Variants in CHRM5 observed in about 807,000 individuals in gnomAD.
CHRM5 encodes the protein muscarinic acetylcholine receptor M5.
A neutral mutation model predicts 39.0 loss-of-function variants in CHRM5; 18 were observed. The ratio of observed to expected loss-of-function variants is 0.46; its 90% CI spans 0.32 to 0.68. CHRM5 has a LOEUF of 0.68. Among genes scored for constraint, CHRM5 ranks in the 30% least tolerant of loss-of-function variants. The pLI is 0.04. For missense variants in CHRM5, 515 were observed against 651.1 expected, an observed-to-expected ratio of 0.79 and a Z score of 2.28; for synonymous variants, 241 against 246.3, an observed-to-expected ratio of 0.98 and a Z score of 0.20.
chr15:33,978,931 G>C (rs1169329119), intron 1 of CHRM5, among the ~76,000 whole-genome samples: 1 of 43,034 alleles, frequency 2.3e-5, no homozygotes, highest in African/African-American at 2.8e-5. Flanking sequence ...GTCCATGCCA[G>C]GCAAAAGTAA....
At chr15:33,986,781 C>G (rs12913387) in intron 1 of CHRM5, among the ~76,000 whole-genome samples, 1 of 151,486 alleles carries the variant, frequency 6.6e-6, no homozygotes, top group Non-Finnish European at 1.5e-5. Context: ...GTCAGCCGCC[C>G]GAGTAGCTGG....
chr15:33,985,620 A>G (rs551779418), intron 1 of CHRM5, among the ~76,000 whole-genome samples: 1 of 151,920 alleles, frequency 6.6e-6, no homozygotes, highest in South Asian at 2.1e-4. Flanking sequence ...TCTCCCAACA[A>G]TATTCTGAAA....
chr15:33,996,946 G>A (rs932164521), intron 1 of CHRM5, among the ~76,000 whole-genome samples: 4 of 152,154 alleles, frequency 2.6e-5, no homozygotes. Flanking sequence ...TCGCAAGGAA[G>A]CTAAAAAGCT....
chr15:34,054,326 G>T (rs1900048368), intron 2 of CHRM5, among the ~76,000 whole-genome samples: 1 of 152,154 alleles, frequency 6.6e-6, no homozygotes, highest in Non-Finnish European at 1.5e-5. Context: ...TCTCATTACT[G>T]AGTATATACC....
chr15:34,019,944 T>G (rs963706370), intron 1 of CHRM5, among the ~76,000 whole-genome samples: 1 of 152,238 alleles, frequency 6.6e-6, no homozygotes, highest in African/African-American at 2.4e-5. Flanking sequence ...TTCTTTTGTA[T>G]GCAATTACAT....
intron 1 of CHRM5, among the ~76,000 whole-genome samples, chr15:34,007,834 G>T (rs796402935): frequency 2.0e-5 from 3 of 152,288 alleles, no homozygotes; most frequent in African/African-American, 7.2e-5. Context: ...TCTATTCCAT[G>T]ACCTTCTCCA....
chr15:34,057,032 A>G (rs965901912), intron 2 of CHRM5, among the ~76,000 whole-genome samples: 2 of 152,160 alleles, frequency 1.3e-5, no homozygotes, highest in African/African-American at 4.8e-5. Flanking sequence ...CAAAGCATCT[A>G]AAAGAGCCAG....
chr15:33,972,327 A>G (rs1895672348), intron 1 of CHRM5: 1 of 152,108 alleles, frequency 6.6e-6, no homozygotes, highest in Non-Finnish European at 1.5e-5. Context: ...AGAAAATTGA[A>G]AAATTACCAA....
chr15:33,969,267 G>A (rs530019265), intron 1 of CHRM5, 117 bp downstream of exon 1: 1 of 152,048 alleles, frequency 6.6e-6, no homozygotes, highest in African/African-American at 2.4e-5. Context: ...AGCTTTTGCA[G>A]ATTTAAGCTG....
chr15:34,008,758 G>A (rs1281514173), intron 1 of CHRM5, among the ~76,000 whole-genome samples: 1 of 152,012 alleles, frequency 6.6e-6, no homozygotes, highest in Non-Finnish European at 1.5e-5. Context: ...AAAGTGATGG[G>A]ATTACAGGCG....
intron 2 of CHRM5, 48 bp from the exon 3 acceptor site, chr15:34,062,595 A>C: frequency 1.2e-6 from 1 of 854,132 alleles, no homozygotes; most frequent in Non-Finnish European, 1.8e-6. Context: ...TGGATGGACA[A>C]GAAAATCATG....
intron 1 of CHRM5, among the ~76,000 whole-genome samples, chr15:34,037,664 G>C (rs1221341339): frequency 6.6e-6 from 1 of 151,412 alleles, no homozygotes; most frequent in Non-Finnish European, 1.5e-5. Context: ...GAGGTAAACT[G>C]ACCCTAAAAA....
intron 1 of CHRM5, among the ~76,000 whole-genome samples, chr15:34,000,275 A>C (rs910792123): frequency 4.6e-5 from 7 of 152,202 alleles, no homozygotes; most frequent in African/African-American, 1.7e-4. Context: ...CTAGAAAGTC[A>C]ACTCTGTGAG....
chr15:34,018,054 G>A (rs188037957), intron 1 of CHRM5, among the ~76,000 whole-genome samples: 1 of 152,162 alleles, frequency 6.6e-6, no homozygotes, highest in Admixed American at 6.5e-5. Context: ...AATGGTTTAT[G>A]TATTTACTAT....
intron 1 of CHRM5, among the ~76,000 whole-genome samples, chr15:33,992,345 G>A (rs1896761948): frequency 6.6e-6 from 1 of 152,004 alleles, no homozygotes; most frequent in Non-Finnish European, 1.5e-5. Flanking sequence ...AGCCGAGATT[G>A]CGCCACTGCA....
chr15:33,976,373 A>G (rs1895887989), intron 1 of CHRM5, among the ~76,000 whole-genome samples: 1 of 152,234 alleles, frequency 6.6e-6, no homozygotes, highest in African/African-American at 2.4e-5. Flanking sequence ...TTTCTCTAAA[A>G]TACTTTAAAA....
chr15:34,044,216 T>C (rs1899597364), intron 1 of CHRM5, among the ~76,000 whole-genome samples: 1 of 152,042 alleles, frequency 6.6e-6, no homozygotes, highest in African/African-American at 2.4e-5. Flanking sequence ...CAATTCTCCT[T>C]CTCCCATTCG....
chr15:34,023,539 C>T (rs1016142010), intron 1 of CHRM5, among the ~76,000 whole-genome samples: 7 of 152,154 alleles, frequency 4.6e-5, no homozygotes, highest in African/African-American at 1.7e-4. Context: ...TCTTGCAAAA[C>T]CTGAGATTCA....
intron 1 of CHRM5, among the ~76,000 whole-genome samples, chr15:33,969,384 G>T (rs1374817085): frequency 6.6e-6 from 1 of 151,170 alleles, no homozygotes; most frequent in Non-Finnish European, 1.5e-5. Flanking sequence ...TCTCATCTTT[G>T]TCTTTATTTT....
Sources: allele counts gnomAD v4.1 joint callset (sites outside exome capture counted in the v4.1 genomes callset), GRCh38; gene constraint gnomAD v4.1.1; transcripts MANE v1.5; gene names NCBI Gene and HGNC (gene_info 2026-07-23, HGNC 2026-07-21).